EEIG2: variants seen among roughly 807,000 people sequenced by gnomAD.
The protein encoded by EEIG2 is family with sequence similarity 102 member B.
the EEIG2 span, among the ~76,000 whole-genome samples, chr1:108,622,139 G>T: frequency 2.0e-5 from 3 of 152,144 alleles, no homozygotes; most frequent in Non-Finnish European, 4.4e-5. Flanking sequence ...CCTGGGAAAT[G>T]AGCGAAACTC....
the EEIG2 span, among the ~76,000 whole-genome samples, chr1:108,607,693 T>C: frequency 6.6e-6 from 1 of 152,160 alleles, no homozygotes; most frequent in Non-Finnish European, 1.5e-5. Context: ...AAGGCTTTGC[T>C]ATCAAGGAAT....
the EEIG2 span, among the ~76,000 whole-genome samples, chr1:108,591,319 A>T: frequency 6.6e-6 from 1 of 152,180 alleles, no homozygotes; most frequent in Non-Finnish European, 1.5e-5. Flanking sequence ...CACATTAAAG[A>T]TTATCACACA....
chr1:108,624,733 C>T, the EEIG2 span: 9 of 1,613,624 alleles, frequency 5.6e-6, no homozygotes, highest in Non-Finnish European at 7.6e-6. Flanking sequence ...TCTCAAAGTG[C>T]ATCTTGGAAT....
the EEIG2 span, chr1:108,627,597 C>A: frequency 1.3e-5 from 2 of 152,264 alleles, no homozygotes; most frequent in African/African-American, 4.8e-5. Context: ...TAATCACTTT[C>A]TTAAGAACTT....
chr1:108,562,546 A>T, the EEIG2 span, among the ~76,000 whole-genome samples: 1 of 152,218 alleles, frequency 6.6e-6, no homozygotes, highest in Non-Finnish European at 1.5e-5. Context: ...AAGAGCAAGG[A>T]TTTGGAATGC....
At chr1:108,608,091 A>G in the EEIG2 span, among the ~76,000 whole-genome samples, 5 of 152,198 alleles carry the variant, frequency 3.3e-5, no homozygotes, top group African/African-American at 1.2e-4. Flanking sequence ...ACACACAAGT[A>G]AACACTCATA....
chr1:108,618,816 G>T, the EEIG2 span, among the ~76,000 whole-genome samples: 1 of 143,442 alleles, frequency 7.0e-6, no homozygotes, highest in Non-Finnish European at 1.5e-5. Context: ...CAGCCTGGGT[G>T]ACAGAGCAAG....
the EEIG2 span, among the ~76,000 whole-genome samples, chr1:108,623,433 T>C: frequency 6.6e-6 from 1 of 152,014 alleles, no homozygotes; most frequent in African/African-American, 2.4e-5. Context: ...AAGTGGAGGC[T>C]GCAGTGAGCC....
At chr1:108,635,632 A>G in the EEIG2 span, 1 of 153,436 alleles carries the variant, frequency 6.5e-6, no homozygotes, top group African/African-American at 2.4e-5. Context: ...AATCTTCCCT[A>G]TTACACTACC....
the EEIG2 span, among the ~76,000 whole-genome samples, chr1:108,577,110 T>C: frequency 1.6e-5 from 2 of 125,962 alleles, no homozygotes; most frequent in Non-Finnish European, 3.4e-5. Context: ...GAGAAGTGTC[T>C]GTTCATGTCC....
chr1:108,611,086 A>T, the EEIG2 span, among the ~76,000 whole-genome samples: 1 of 152,102 alleles, frequency 6.6e-6, no homozygotes, highest in Non-Finnish European at 1.5e-5. Flanking sequence ...TTATTCTTAC[A>T]TTCTTTTTGT....
At chr1:108,638,608 TTC>T in the EEIG2 span, 3 of 152,202 alleles carry the variant, frequency 2.0e-5, no homozygotes, top group Non-Finnish European at 2.9e-5. Flanking sequence ...AGTTCTGAAA[TTC>T]TGTTTGGTCA....
chr1:108,619,856 C>T, the EEIG2 span, among the ~76,000 whole-genome samples: 1 of 152,208 alleles, frequency 6.6e-6, no homozygotes. Flanking sequence ...TGCCACTGCA[C>T]TCCAGGCTGG....
At chr1:108,629,863 GTT>G in the EEIG2 span, 3 of 603,932 alleles carry the variant, frequency 5.0e-6, no homozygotes, top group South Asian at 5.3e-5. Flanking sequence ...TTATAAATTA[GTT>G]TTTAATTTCC....
chr1:108,566,854 C>T, the EEIG2 span, among the ~76,000 whole-genome samples: 2 of 151,946 alleles, frequency 1.3e-5, no homozygotes, highest in Admixed American at 6.6e-5. Flanking sequence ...GGTGAGGGCA[C>T]GGAGAGATGG....
the EEIG2 span, among the ~76,000 whole-genome samples, chr1:108,598,047 C>A: frequency 4.2e-3 from 636 of 152,196 alleles, 2 homozygotes; most frequent in African/African-American, 0.015. Context: ...ATAAAAAATT[C>A]TAGGCCGGAC....
the EEIG2 span, among the ~76,000 whole-genome samples, chr1:108,604,740 T>C: frequency 6.6e-6 from 1 of 151,506 alleles, no homozygotes; most frequent in African/African-American, 2.4e-5. Context: ...GAAGAGCTAT[T>C]ATAAAGGGCC....
At chr1:108,576,300 A>AT in the EEIG2 span, among the ~76,000 whole-genome samples, 131 of 152,164 alleles carry the variant, frequency 8.6e-4, no homozygotes, top group African/African-American at 2.1e-3. Context: ...CAGATACTGC[A>AT]TTTTTTTTAT....
the EEIG2 span, among the ~76,000 whole-genome samples, chr1:108,572,056 C>A: frequency 1.3e-5 from 2 of 152,182 alleles, no homozygotes; most frequent in South Asian, 4.1e-4. Flanking sequence ...CCCCAGCACT[C>A]AACTAAAACT....
Sources: allele counts gnomAD v4.1 joint callset (sites outside exome capture counted in the v4.1 genomes callset), GRCh38; gene constraint gnomAD v4.1.1; transcripts MANE v1.5; gene names NCBI Gene and HGNC (gene_info 2026-07-23, HGNC 2026-07-21).